Variants in ITPRID1 observed in about 807,000 individuals in gnomAD.
ITPRID1 encodes protein ITPRID1.
In ITPRID1, 96 loss-of-function variants were observed where a neutral mutation model predicts 95.4. The ratio of observed to expected loss-of-function variants is 1.01; its 90% CI spans 0.85 to 1.19. The LOEUF (loss-of-function observed/expected upper bound fraction) is 1.19. Among genes scored for constraint, ITPRID1 ranks in the 50% most tolerant of loss-of-function variants. ITPRID1 has a pLI of 0.00. For missense variants in ITPRID1, 1,339 were observed against 1,252.9 expected (o/e 1.07, Z -1.04); for synonymous variants, 510 against 453.6 (o/e 1.12, Z -1.58).
chr7:31,656,146 C>A lies in ITPRID1; in HGVS notation c.*3317C>A. On this transcript the variant is annotated 3_prime_UTR_variant, in exon 15 of 15. Transcript: ENST00000615280. ...ATATCACTTTGCTTTTTTGTTAAAA[C>A]ACTGAAAACCTCCTGTCTTGTGTTA... 2.4e-6 allele frequency: 1 copy of A among 413,600 alleles called. No individual in the cohort carries two copies. The highest frequency in any genetic ancestry group is 3.3e-6 in the Non-Finnish European group (1 of 307,574). The allele number at this position is 413,600 out of a possible 1,614,324, so 25.6% of individuals were successfully genotyped here.
rs767837639 is a variant in ITPRID1 at position 31,651,272 on chromosome 7, AATT to A, written c.2711+5_2711+7del. ...AGGGACATGTCAGAGGAGGAAAGGT[AATT>A]ACCTAAGGGAGCCATAAAAGTAAGT... On this transcript the variant is annotated splice_donor_5th_base_variant and intron_variant, in intron 13 of 14. Coordinates refer to ENST00000615280, the MANE Select transcript of ITPRID1 (RefSeq NM_001257967.3). 62 of 1,612,584 alleles carry A rather than the reference AATT, an allele frequency of 3.8e-5. No individual in the cohort carries two copies. The African/African-American group carries it at 6.4e-4, about 17-fold the overall frequency.
chr7:31,548,710 G>A (rs1583484046), intron 1 of ITPRID1, among the ~76,000 whole-genome samples: 1 of 152,260 alleles, frequency 6.6e-6, no homozygotes, highest in East Asian at 1.9e-4. Flanking sequence ...GGGGAAGAAG[G>A]ATGAGTTAGT....
intron 10 of ITPRID1, among the ~76,000 whole-genome samples, chr7:31,616,519 G>A (rs2128169021): frequency 6.6e-6 from 1 of 151,762 alleles, no homozygotes; most frequent in Admixed American, 6.6e-5. Context: ...GGACCCTGAG[G>A]AGAAGGAGGT....
chr7:31,652,826 C>T lies in ITPRID1; in HGVS notation c.3132C>T (p.Leu1044=). The T allele has an allele frequency of 6.2e-7, 1 of 1,611,180 alleles. No homozygotes were observed. Among genetic ancestry groups the T allele is most frequent in the Non-Finnish European group, 8.5e-7 (1 of 1,177,462 alleles). ...PVGEKDADVF[L] ...GAGAAAAGGATGCAGATGTCTTCCT[C>T]TAGATCAGAGCAGGTTTGTTAACCT... Residue 1044 remains leucine (L), a synonymous_variant, in exon 15 of 15, where the codon CTC becomes CTT. Transcript: ENST00000615280.
chr7:31,629,537 A>G (rs1416326789), intron 10 of ITPRID1, among the ~76,000 whole-genome samples: 1 of 152,202 alleles, frequency 6.6e-6, no homozygotes, highest in Non-Finnish European at 1.5e-5. Context: ...AACAATTTTT[A>G]AGGTAGTATT....
At chr7:31,656,983 G>A, downstream of ITPRID1, among the ~76,000 whole-genome samples, 1 of 148,384 alleles carries the variant, frequency 6.7e-6, no homozygotes. Context: ...CAGGCCTTTA[G>A]GCTCAGACTG....
intron 10 of ITPRID1, among the ~76,000 whole-genome samples, chr7:31,623,556 C>G (rs1370447812): frequency 4.6e-5 from 7 of 151,418 alleles, no homozygotes; most frequent in East Asian, 3.9e-4. Flanking sequence ...ATTCAACAAC[C>G]CTTCATACTA....
chr7:31,611,911 G>A (rs1786885455), intron 10 of ITPRID1, among the ~76,000 whole-genome samples: 1 of 151,724 alleles, frequency 6.6e-6, no homozygotes, highest in Non-Finnish European at 1.5e-5. Flanking sequence ...GGGGAGTTTG[G>A]GGCCATTATT....
chr7:31,565,014 G>A (rs1784748958), intron 5 of ITPRID1, among the ~76,000 whole-genome samples: 1 of 152,090 alleles, frequency 6.6e-6, no homozygotes. Context: ...CAGGTCCCGG[G>A]AAATTTACCT....
intron 10 of ITPRID1, among the ~76,000 whole-genome samples, chr7:31,639,997 G>T (rs1452807871): frequency 6.6e-6 from 1 of 151,938 alleles, no homozygotes; most frequent in Non-Finnish European, 1.5e-5. Context: ...CCACACATTT[G>T]GATTTTACCA....
chr7:31,646,736 T>G (rs551306956), intron 12 of ITPRID1, among the ~76,000 whole-genome samples: 1 of 152,136 alleles, frequency 6.6e-6, no homozygotes, highest in Non-Finnish European at 1.5e-5. Context: ...TGTGGCCCAT[T>G]ATGCTCAGTA....
Position 31,625,000 on chromosome 7 carries a change from C to T in ITPRID1, c.1229-17176C>T, listed in dbSNP as rs553918400. Reference sequence around the variant, plus strand: ...CACTTCTCAAAAGAAGACATTTATGCAGTCAAAAAACACATGAAAAAATGC... The same window carrying T: ...CACTTCTCAAAAGAAGACATTTATGTAGTCAAAAAACACATGAAAAAATGC... On this transcript the variant is annotated intron_variant, in intron 10 of 14. Coordinates refer to ENST00000615280, the MANE Select transcript of ITPRID1 (RefSeq NM_001257967.3). 1.9e-3 allele frequency among the ~76,000 whole-genome samples: 294 copies of T among 152,288 alleles called. 1 individual carries two copies. The highest frequency in any genetic ancestry group is 6.7e-3 in the African/African-American group (279 of 41,556).
In ITPRID1 at chr7:31,520,554, TGTGTGTGTGTGA is replaced by T. The variant is rs1371883695; in HGVS notation, c.-98+6436_-98+6447del. Among the ~76,000 whole-genome samples the T allele has an allele frequency of 2.1e-3, 182 of 88,464 alleles. 1 individual carries two copies. Among genetic ancestry groups the T allele is most frequent in the African/African-American group, 1.0e-2 (164 of 16,444 alleles). The allele number at this position is 88,464 out of a possible 152,430, so 58.0% of individuals were successfully genotyped here. A position where few individuals can be genotyped will look rare whatever the true frequency, so the allele number is the denominator to read the frequency against. On this transcript the variant is annotated intron_variant, in intron 1 of 14. Coordinates refer to ENST00000615280, the MANE Select transcript of ITPRID1 (RefSeq NM_001257967.3). ...GTGTGTGTGTGTGTGTGTGTGTGTGTGTGTGTGTGTGAGAGAGAGAGAGAGAGTTTGGCACTT... is the reference window on the plus strand; with the variant it reads ...GTGTGTGTGTGTGTGTGTGTGTGTGTGAGAGAGAGAGAGAGTTTGGCACTT...
intron 5 of ITPRID1, among the ~76,000 whole-genome samples, chr7:31,566,485 ACT>A (rs1276935139): frequency 6.6e-6 from 1 of 151,998 alleles, no homozygotes; most frequent in Non-Finnish European, 1.5e-5. Flanking sequence ...GTGTTCAAAA[ACT>A]CTCCAGAATC....
rs868760875 is a variant in ITPRID1 at position 31,652,560 on chromosome 7, A to C, written c.2866A>C (p.Asn956His). Residue 956 changes from asparagine (N) to histidine (H), a missense_variant, in exon 15 of 15, where the codon AAT becomes CAT. Coordinates refer to ENST00000615280, the MANE Select transcript of ITPRID1 (RefSeq NM_001257967.3). ...LTAEPPEHYS[N>H]LHQYNWIEES... ...AGCAGAGCCACCTGAACACTATTCA[A>C]ATCTGCATCAATATAACTGGATAGA... 6.2e-7 allele frequency: 1 copy of C among 1,609,694 alleles called. No individual in the cohort carries two copies. The highest frequency in any genetic ancestry group is 1.7e-4 in the Middle Eastern group (1 of 6,052).
intron 5 of ITPRID1, among the ~76,000 whole-genome samples, chr7:31,556,622 C>A (rs1181678658): frequency 6.6e-6 from 1 of 151,990 alleles, no homozygotes; most frequent in Non-Finnish European, 1.5e-5. Flanking sequence ...AGAACAGTAC[C>A]AGAAACTGGG....
chr7:31,583,988 G>A (rs1785498448), intron 10 of ITPRID1, among the ~76,000 whole-genome samples: 1 of 152,202 alleles, frequency 6.6e-6, no homozygotes, highest in Admixed American at 6.5e-5. Flanking sequence ...TCAGTGGACA[G>A]AGGTTCCCTA....
intron 2 of ITPRID1, among the ~76,000 whole-genome samples, chr7:31,550,128 C>A (rs1477382887): frequency 6.8e-6 from 1 of 148,006 alleles, no homozygotes; most frequent in Non-Finnish European, 1.5e-5. Flanking sequence ...CTTTTTTTTT[C>A]CTTTTTCAAG....
At chr7:31,574,779 T>C (rs762672962) in intron 8 of ITPRID1, 37 bp downstream of exon 8, 2 of 1,585,432 alleles carry the variant, frequency 1.3e-6, no homozygotes, top group South Asian at 1.1e-5. Context: ...ATCTCAGCAT[T>C]GGGAATGAGT....
Sources: gnomAD v4.1 joint callset for allele counts (sites outside exome capture counted in the v4.1 genomes callset) on GRCh38, gnomAD v4.1.1 for gene constraint, MANE v1.5 for transcripts, NCBI Gene and HGNC (gene_info 2026-07-23, HGNC 2026-07-21) for gene names.